The following TENM4 variants were observed in gnomAD, a reference collection of about 807,000 sequenced individuals.
TENM4 encodes teneurin transmembrane protein 4.
Under a neutral mutation model 243.3 loss-of-function variants are expected in TENM4, and 82 were observed. The observed-to-expected ratio is 0.34, with a 90% CI of 0.28 to 0.40. TENM4 has a LOEUF of 0.40. Among genes scored for constraint, TENM4 ranks in the 10% least tolerant of loss-of-function variants. The pLI, the probability that TENM4 is intolerant of heterozygous loss-of-function variation, is 1.00. For missense variants in TENM4, 3,138 were observed against 3,673.3 expected, an observed-to-expected ratio of 0.85 and a Z score of 3.77; for synonymous variants, 1,412 against 1,456.3, an observed-to-expected ratio of 0.97 and a Z score of 0.69.
At chr11:79,407,757 A>T (rs1299061674) in intron 1 of TENM4, among the ~76,000 whole-genome samples, 6 of 152,336 alleles carry the variant, frequency 3.9e-5, no homozygotes, top group Non-Finnish European at 7.3e-5. Context: ...AGTAGTTAAC[A>T]AATGGGTGAA....
intron 12 of TENM4, among the ~76,000 whole-genome samples, chr11:78,817,274 A>C (rs1311902283): frequency 6.6e-6 from 1 of 152,228 alleles, no homozygotes; most frequent in Non-Finnish European, 1.5e-5. Flanking sequence ...TCAAGGTCTT[A>C]AAGTGTCAAC....
chr11:78,868,221 C>T (rs750330711), intron 9 of TENM4, among the ~76,000 whole-genome samples: 1 of 152,148 alleles, frequency 6.6e-6, no homozygotes, highest in East Asian at 1.9e-4. Flanking sequence ...ATCTGTGTTA[C>T]GTCACAGGAT....
intron 9 of TENM4, among the ~76,000 whole-genome samples, chr11:78,874,892 T>A (rs1859227091): frequency 6.6e-6 from 1 of 152,170 alleles, no homozygotes; most frequent in Non-Finnish European, 1.5e-5. Flanking sequence ...AACTCTAGGC[T>A]CAAGGGCATG....
intron 21 of TENM4, 147 bp from the exon 22 acceptor site, chr11:78,729,790 G>C: frequency 9.5e-7 from 1 of 1,049,180 alleles, no homozygotes; most frequent in Non-Finnish European, 1.4e-6. Context: ...GGAGACAGTG[G>C]AAAGAAGAGG....
chr11:79,223,883 C>G (rs1288513500), intron 2 of TENM4, among the ~76,000 whole-genome samples: 1 of 152,194 alleles, frequency 6.6e-6, no homozygotes, highest in Non-Finnish European at 1.5e-5. Context: ...TCAATTATTT[C>G]TGGCTCTCTA....
chr11:79,373,718 A>G (rs1265658036), intron 1 of TENM4, among the ~76,000 whole-genome samples: 2 of 152,222 alleles, frequency 1.3e-5, no homozygotes, highest in African/African-American at 4.8e-5. Context: ...AAAAGGTAAC[A>G]TATGGTGAGG....
chr11:78,890,243 C>T (rs1179874320), intron 8 of TENM4, among the ~76,000 whole-genome samples: 2 of 152,260 alleles, frequency 1.3e-5, no homozygotes, highest in East Asian at 1.9e-4. Flanking sequence ...GATGGGACAG[C>T]CCTACCCATG....
chr11:79,359,377 GT>G (rs199593155), intron 1 of TENM4, among the ~76,000 whole-genome samples: 3 of 151,134 alleles, frequency 2.0e-5, no homozygotes, highest in East Asian at 1.9e-4. Context: ...TCCAGATTTT[GT>G]TTTTTTTTAA....
intron 1 of TENM4, among the ~76,000 whole-genome samples, chr11:79,348,526 A>C (rs990918391): frequency 2.6e-5 from 4 of 152,184 alleles, no homozygotes; most frequent in Non-Finnish European, 4.4e-5. Flanking sequence ...TGTTGAATTA[A>C]CCCCCACTGT....
At chr11:79,001,933 G>A (rs568068156) in intron 6 of TENM4, among the ~76,000 whole-genome samples, 57 of 152,274 alleles carry the variant, frequency 3.7e-4, no homozygotes, top group African/African-American at 1.0e-3. Flanking sequence ...CCCAATGCCT[G>A]CAGCCTCCCT....
chr11:79,356,603 A>G (rs759702671), intron 1 of TENM4, among the ~76,000 whole-genome samples: 5 of 152,210 alleles, frequency 3.3e-5, no homozygotes, highest in Non-Finnish European at 7.3e-5. Flanking sequence ...TTAGCCCTGT[A>G]ATATCTATCT....
At chr11:78,714,320 C>CT (rs1478976661) in intron 25 of TENM4, among the ~76,000 whole-genome samples, 1 of 150,380 alleles carries the variant, frequency 6.6e-6, no homozygotes, top group Non-Finnish European at 1.5e-5. Context: ...TAATCTGGCC[C>CT]TGGCAGGTTT....
chr11:78,807,392 A>G (rs1194845375), intron 14 of TENM4, among the ~76,000 whole-genome samples: 3 of 152,214 alleles, frequency 2.0e-5, no homozygotes, highest in Admixed American at 2.0e-4. Context: ...CAATATTTCT[A>G]TCAGGGGCTG....
intron 32 of TENM4, among the ~76,000 whole-genome samples, chr11:78,667,365 G>T (rs1205457283): frequency 6.6e-6 from 1 of 152,100 alleles, no homozygotes; most frequent in Non-Finnish European, 1.5e-5. Context: ...TCCAGGTGGG[G>T]GCTACCAAGT....
At chr11:78,983,163 CA>C (rs1314109719) in intron 6 of TENM4, among the ~76,000 whole-genome samples, 4 of 152,206 alleles carry the variant, frequency 2.6e-5, no homozygotes, top group African/African-American at 9.7e-5. Context: ...AAAATGTTCT[CA>C]AAATCTCACA....
intron 3 of TENM4, among the ~76,000 whole-genome samples, chr11:79,199,922 C>T (rs1382951462): frequency 2.0e-5 from 3 of 152,200 alleles, no homozygotes; most frequent in Non-Finnish European, 4.4e-5. Context: ...CTGGGGTTGG[C>T]ACCCAGCATT....
At chr11:79,392,890 G>A (rs1392769982) in intron 1 of TENM4, among the ~76,000 whole-genome samples, 4 of 152,110 alleles carry the variant, frequency 2.6e-5, no homozygotes, top group South Asian at 2.1e-4. Flanking sequence ...TTAACATTCC[G>A]AAGGGACAGA....
chr11:78,913,314 T>G (rs1447502734), intron 6 of TENM4, among the ~76,000 whole-genome samples: 3 of 152,222 alleles, frequency 2.0e-5, no homozygotes, highest in Non-Finnish European at 4.4e-5. Flanking sequence ...AGACAAAGTT[T>G]CTGCCTGTAA....
intron 4 of TENM4, chr11:79,096,539 G>C (rs4944223): frequency 0.58 from 79,894 of 137,486 alleles, 22,864 homozygotes; most frequent in Middle Eastern, 0.76. Context: ...CAGGACAGCA[G>C]CAATTCTCCC....
Sources: allele counts gnomAD v4.1 joint callset (sites outside exome capture counted in the v4.1 genomes callset), GRCh38; gene constraint gnomAD v4.1.1; transcripts MANE v1.5; gene names NCBI Gene and HGNC (gene_info 2026-07-23, HGNC 2026-07-21).